ABTB3: variants seen among roughly 807,000 people sequenced by gnomAD.
The protein encoded by ABTB3 is ankyrin repeat- and BTB/POZ domain-containing protein 3.
At chr12:107,338,287 G>T in the ABTB3 span, among the ~76,000 whole-genome samples, 1 of 151,972 alleles carries the variant, frequency 6.6e-6, no homozygotes, top group Admixed American at 6.6e-5. Flanking sequence ...ACCCCACAAC[G>T]CCTTATTATT....
chr12:107,349,010 C>T, the ABTB3 span, among the ~76,000 whole-genome samples: 5 of 152,120 alleles, frequency 3.3e-5, no homozygotes, highest in African/African-American at 1.2e-4. Context: ...CCATCTTGCA[C>T]TGTGGTTCTC....
chr12:107,392,607 C>A, the ABTB3 span, among the ~76,000 whole-genome samples: 1 of 152,204 alleles, frequency 6.6e-6, no homozygotes, highest in Non-Finnish European at 1.5e-5. Flanking sequence ...CAATGTCAGC[C>A]TCACTCCCTC....
the ABTB3 span, among the ~76,000 whole-genome samples, chr12:107,507,246 C>A: frequency 6.6e-6 from 1 of 151,954 alleles, no homozygotes; most frequent in Non-Finnish European, 1.5e-5. Context: ...GAGGCACAGG[C>A]AGAGATAAGG....
chr12:107,503,926 T>C, the ABTB3 span, among the ~76,000 whole-genome samples: 2 of 152,070 alleles, frequency 1.3e-5, no homozygotes, highest in African/African-American at 2.4e-5. Flanking sequence ...TGGGCTACTT[T>C]CATGTAGTTT....
At chr12:107,509,184 G>T in the ABTB3 span, among the ~76,000 whole-genome samples, 1 of 152,170 alleles carries the variant, frequency 6.6e-6, no homozygotes, top group Non-Finnish European at 1.5e-5. Context: ...CTGTGGGAAA[G>T]TTGCAATGAT....
the ABTB3 span, chr12:107,581,102 CCTCCGGGGAGGCCCTAACGCGCGT>C: frequency 6.5e-7 from 1 of 1,545,740 alleles, no homozygotes; most frequent in Non-Finnish European, 8.7e-7. Context: ...GCAGCCCCTG[CCTCCGGGGAGGCCCTAACGCGCGT>C]CTCCGGGTCC....
chr12:107,620,046 G>A, the ABTB3 span: 5 of 1,614,122 alleles, frequency 3.1e-6, no homozygotes, highest in South Asian at 3.3e-5. Context: ...CAGCAGCACC[G>A]CAGGCCTCTC....
the ABTB3 span, among the ~76,000 whole-genome samples, chr12:107,510,119 C>T: frequency 6.6e-6 from 1 of 152,172 alleles, no homozygotes; most frequent in Non-Finnish European, 1.5e-5. Flanking sequence ...AATCTGAACC[C>T]GGCCAGGTCC....
the ABTB3 span, among the ~76,000 whole-genome samples, chr12:107,518,507 A>G: frequency 6.6e-6 from 1 of 151,600 alleles, no homozygotes; most frequent in Non-Finnish European, 1.5e-5. Flanking sequence ...GCAAGGACAG[A>G]AAACCAAACA....
chr12:107,415,124 T>C, the ABTB3 span, among the ~76,000 whole-genome samples: 2 of 152,150 alleles, frequency 1.3e-5, no homozygotes, highest in Admixed American at 1.3e-4. Context: ...CCTCCACTTA[T>C]CATGCTCATC....
the ABTB3 span, among the ~76,000 whole-genome samples, chr12:107,581,527 C>T: frequency 1.3e-5 from 2 of 152,310 alleles, no homozygotes; most frequent in Non-Finnish European, 2.9e-5. Context: ...GAGGACGGTC[C>T]GATTCTTAGA....
the ABTB3 span, among the ~76,000 whole-genome samples, chr12:107,534,883 T>A: frequency 6.6e-6 from 1 of 152,184 alleles, no homozygotes; most frequent in African/African-American, 2.4e-5. Flanking sequence ...TTAACACCAA[T>A]TTTTCTCGAA....
chr12:107,618,574 C>T, the ABTB3 span, among the ~76,000 whole-genome samples: 2 of 152,194 alleles, frequency 1.3e-5, no homozygotes, highest in East Asian at 1.9e-4. Flanking sequence ...ATGCCCACTC[C>T]GTGCCCATAG....
At chr12:107,468,200 G>C in the ABTB3 span, among the ~76,000 whole-genome samples, 8 of 152,074 alleles carry the variant, frequency 5.3e-5, no homozygotes, top group Admixed American at 2.0e-4. Context: ...TATTAATCAA[G>C]CAAAAAAGGG....
At chr12:107,564,358 C>A in the ABTB3 span, among the ~76,000 whole-genome samples, 2 of 152,268 alleles carry the variant, frequency 1.3e-5, no homozygotes, top group African/African-American at 4.8e-5. Context: ...GAGCTACCAC[C>A]AGTACTACTT....
chr12:107,565,365 CT>C, the ABTB3 span, among the ~76,000 whole-genome samples: 9 of 152,108 alleles, frequency 5.9e-5, no homozygotes, highest in Non-Finnish European at 1.0e-4. Context: ...ACAATTCTGA[CT>C]ATATGTGCTG....
chr12:107,645,276 C>A, the ABTB3 span, among the ~76,000 whole-genome samples: 1 of 152,272 alleles, frequency 6.6e-6, no homozygotes, highest in Non-Finnish European at 1.5e-5. Flanking sequence ...CCAGAATTCA[C>A]ATTTCTAACA....
At chr12:107,651,873 G>C in the ABTB3 span, 1 of 1,118,688 alleles carries the variant, frequency 8.9e-7, no homozygotes, top group Non-Finnish European at 1.3e-6. Context: ...AGGCAGGGCA[G>C]AGAGTGGGTG....
chr12:107,508,438 CTTTTT>C, the ABTB3 span, among the ~76,000 whole-genome samples: 79 of 69,144 alleles, frequency 1.1e-3, no homozygotes, highest in East Asian at 6.3e-3. Flanking sequence ...AAGATCATTT[CTTTTT>C]TTTTTTTTTT....
Sources: gnomAD v4.1 joint callset for allele counts (sites outside exome capture counted in the v4.1 genomes callset) on GRCh38, gnomAD v4.1.1 for gene constraint, MANE v1.5 for transcripts, NCBI Gene and HGNC (gene_info 2026-07-23, HGNC 2026-07-21) for gene names.